Variants in PCSK5 observed in about 807,000 individuals in gnomAD.
The protein encoded by PCSK5 is proprotein convertase subtilisin/kexin type 5.
In PCSK5, 129 loss-of-function variants were observed where a neutral mutation model predicts 233.2. The ratio of observed to expected loss-of-function variants is 0.55; its 90% CI spans 0.48 to 0.64. The LOEUF is 0.64. Among genes scored for constraint, PCSK5 ranks in the 30% least tolerant of loss-of-function variants. The pLI, the probability that PCSK5 is intolerant of heterozygous loss-of-function variation, is 0.00. For synonymous variants in PCSK5, 825 were observed against 879.2 expected, an observed-to-expected ratio of 0.94 and a Z score of 1.09; for missense variants, 2,076 against 2,430.1, an observed-to-expected ratio of 0.85 and a Z score of 3.06.
chr9:75,937,948 G>A (rs1234992295), intron 2 of PCSK5, among the ~76,000 whole-genome samples: 6 of 152,194 alleles, frequency 3.9e-5, no homozygotes, highest in Non-Finnish European at 8.8e-5. Context: ...TGAAGGAAAT[G>A]TTGTGGCTTG....
intron 24 of PCSK5, among the ~76,000 whole-genome samples, chr9:76,245,676 T>C (rs1826570095): frequency 6.6e-6 from 1 of 152,168 alleles, no homozygotes; most frequent in Non-Finnish European, 1.5e-5. Context: ...GGGGAAGTGG[T>C]TGAAAACAAA....
At chr9:76,046,530 ACT>A (rs910112882) in intron 5 of PCSK5, among the ~76,000 whole-genome samples, 1 of 135,792 alleles carries the variant, frequency 7.4e-6, no homozygotes, top group African/African-American at 2.7e-5. Context: ...AAGGAATACA[ACT>A]CTAGTTCTTT....
intron 33 of PCSK5, among the ~76,000 whole-genome samples, 157 bp from the exon 34 acceptor site, chr9:76,332,276 C>T (rs1399038722): frequency 6.6e-6 from 1 of 152,210 alleles, no homozygotes; most frequent in Admixed American, 6.5e-5. Context: ...TTCTTGGACA[C>T]TAATCTTATT....
At chr9:76,047,246 G>A (rs1829450890) in intron 5 of PCSK5, among the ~76,000 whole-genome samples, 2 of 151,950 alleles carry the variant, frequency 1.3e-5, no homozygotes, top group Admixed American at 1.3e-4. Context: ...ACAGGCGCCC[G>A]CCACCATGCC....
intron 20 of PCSK5, among the ~76,000 whole-genome samples, chr9:76,206,118 C>T (rs184067524): frequency 1.2e-4 from 18 of 152,276 alleles, no homozygotes; most frequent in African/African-American, 4.3e-4. Context: ...GCCACCCCCA[C>T]CTCAGAATTT....
At chr9:76,293,716 G>A (rs184269168) in intron 25 of PCSK5, among the ~76,000 whole-genome samples, 9 of 152,296 alleles carry the variant, frequency 5.9e-5, no homozygotes, top group Admixed American at 2.0e-4. Context: ...AAACCTGGCC[G>A]CCTCTTCAGC....
chr9:76,041,561 G>T (rs1156282869), intron 5 of PCSK5, among the ~76,000 whole-genome samples: 3 of 152,030 alleles, frequency 2.0e-5, no homozygotes, highest in Non-Finnish European at 4.4e-5. Context: ...AGAATTTATG[G>T]CCAGGTGCGG....
chr9:75,904,755 T>G (rs1260932788), intron 1 of PCSK5, among the ~76,000 whole-genome samples: 1 of 152,190 alleles, frequency 6.6e-6, no homozygotes, highest in Non-Finnish European at 1.5e-5. Context: ...CCTCAAAAGG[T>G]GAAACATACA....
chr9:76,321,150 G>A (rs1013485181), intron 30 of PCSK5, among the ~76,000 whole-genome samples: 2 of 152,084 alleles, frequency 1.3e-5, no homozygotes, highest in Non-Finnish European at 2.9e-5. Context: ...GTGGGAGGCA[G>A]GTTTACCCTA....
chr9:76,051,982 G>T (rs1258995357), intron 5 of PCSK5, among the ~76,000 whole-genome samples: 2 of 152,182 alleles, frequency 1.3e-5, no homozygotes, highest in African/African-American at 4.8e-5. Flanking sequence ...ACTAGGGGCT[G>T]CAGACAGACA....
In PCSK5 at chr9:76,009,489, T is replaced by C. The variant is rs545527558; in HGVS notation, c.412-14249T>C. On this transcript the variant is annotated intron_variant, in intron 3 of 37. Coordinates refer to ENST00000674117, the MANE Select transcript of PCSK5 (RefSeq NM_001372043.1). ...TAAAAATACAAAAATTAGCCAGGCA[T>C]GGTGGCGGGTGCCTGTAGTCCCAGC... Among the ~76,000 whole-genome samples the C allele has an allele frequency of 6.6e-5, 10 of 152,070 alleles. 1 individual carries two copies. The East Asian group carries it at 1.4e-3, about 21-fold the overall frequency.
chr9:76,074,994 C>T (rs1367996924), intron 7 of PCSK5, among the ~76,000 whole-genome samples: 3 of 151,994 alleles, frequency 2.0e-5, no homozygotes, highest in Middle Eastern at 3.4e-3. Context: ...CCAAGGAGGG[C>T]GGATCACCTG....
intron 30 of PCSK5, among the ~76,000 whole-genome samples, chr9:76,319,763 G>A (rs938050389): frequency 2.6e-5 from 4 of 152,114 alleles, no homozygotes; most frequent in Admixed American, 2.0e-4. Flanking sequence ...GCTGTGCTTC[G>A]GTGGTCACAC....
chr9:76,164,848 G>A (rs1037651450), intron 12 of PCSK5, among the ~76,000 whole-genome samples: 3 of 151,862 alleles, frequency 2.0e-5, no homozygotes, highest in African/African-American at 7.3e-5. Flanking sequence ...AAATCTTGAG[G>A]AAGATTAAGT....
At chr9:76,280,417 T>C (rs913363948) in intron 24 of PCSK5, among the ~76,000 whole-genome samples, 2 of 152,136 alleles carry the variant, frequency 1.3e-5, no homozygotes, top group African/African-American at 4.8e-5. Flanking sequence ...AAGCTTAAAA[T>C]TGATTAAGCT....
chr9:76,309,446 C>A (rs1017547867), intron 29 of PCSK5, among the ~76,000 whole-genome samples: 1 of 152,134 alleles, frequency 6.6e-6, no homozygotes, highest in African/African-American at 2.4e-5. Flanking sequence ...GTAATCCCAA[C>A]ACTTTGGGAG....
At position 75,918,747 on chromosome 9, in the gene PCSK5, A is replaced by G. The variant is rs563685026; in HGVS notation, c.193-13632A>G. 7.2e-5 allele frequency among the ~76,000 whole-genome samples: 11 copies of G among 152,370 alleles called. No homozygotes were observed. In the South Asian group the frequency reaches 1.9e-3, roughly 26 times the overall value. ...TTATTTCATAAAAGGAAAGCTTTAC[A>G]TATTGCAAATGATTCTCAAGGTTGC... On this transcript the variant is annotated intron_variant, in intron 1 of 37. Coordinates refer to ENST00000674117, the MANE Select transcript of PCSK5 (RefSeq NM_001372043.1).
intron 10 of PCSK5, among the ~76,000 whole-genome samples, chr9:76,147,809 G>C (rs1323659373): frequency 6.6e-6 from 1 of 152,100 alleles, no homozygotes; most frequent in African/African-American, 2.4e-5. Flanking sequence ...GTTGTGAAAG[G>C]TTTTCCCCAA....
intron 3 of PCSK5, among the ~76,000 whole-genome samples, chr9:76,001,023 GT>G (rs1358374122): frequency 6.6e-6 from 1 of 151,822 alleles, no homozygotes; most frequent in South Asian, 2.1e-4. Flanking sequence ...GTTGAGCAAT[GT>G]TTTTTACATA....
Sources: allele counts gnomAD v4.1 joint callset (sites outside exome capture counted in the v4.1 genomes callset), GRCh38; gene constraint gnomAD v4.1.1; transcripts MANE v1.5; gene names NCBI Gene and HGNC (gene_info 2026-07-23, HGNC 2026-07-21).